The following ANO2 variants were observed in gnomAD, a reference collection of about 807,000 sequenced individuals.
ANO2 encodes the protein anoctamin 2, also known as anoctamin-2.
A neutral mutation model predicts 124.2 loss-of-function variants in ANO2; 101 were observed. The observed-to-expected ratio is 0.81, with a 90% CI of 0.69 to 0.96. ANO2 has a LOEUF of 0.96. Among genes scored for constraint, ANO2 ranks in the 40% least tolerant of loss-of-function variants. The probability of loss-of-function intolerance (pLI) is 0.00; values close to 1 mark genes in which losing one functional copy is unlikely to be tolerated. For missense variants in ANO2, 1,293 were observed against 1,274.5 expected (o/e 1.01, Z -0.22); for synonymous variants, 486 against 482.5 (o/e 1.01, Z -0.09).
rs533562194 is a variant in ANO2, at chr12:5,630,309, G to A, written c.1816+4843C>T. Among the ~76,000 whole-genome samples, 8 of 152,312 alleles carry A rather than the reference G, an allele frequency of 5.3e-5. No individual in the cohort carries two copies. The South Asian group carries it at 1.2e-3, about 24-fold the overall frequency. On this transcript the variant is annotated intron_variant, in intron 16 of 24. Transcript: ENST00000682330. Reference sequence around the variant, plus strand: ...GCCTGGCAGACTTCTCATTCCATTAGGTGGCATTATCCATAGCTTTATGTC... The same window carrying A: ...GCCTGGCAGACTTCTCATTCCATTAAGTGGCATTATCCATAGCTTTATGTC...
chr12:5,733,321 A>G (rs776343593), intron 13 of ANO2: 45 of 262,122 alleles, frequency 1.7e-4, no homozygotes, highest in Non-Finnish European at 3.1e-4. Context: ...GGGAAAGAGC[A>G]CCTAACTAAT....
rs544524661 is a variant in ANO2, at chr12:5,888,149, T to C, written c.534+32891A>G. Reference sequence around the variant, plus strand: ...CGGAGTTTCTTCCTCCTGGTGGGTTTGTGGTCTCGCTGGATCAGGAGTGAA... The same window carrying C: ...CGGAGTTTCTTCCTCCTGGTGGGTTCGTGGTCTCGCTGGATCAGGAGTGAA... On this transcript the variant is annotated intron_variant, in intron 3 of 24. Transcript: ENST00000682330. 7.9e-3 allele frequency among the ~76,000 whole-genome samples: 1,201 copies of C among 152,138 alleles called. 11 individuals are homozygous for C. Among genetic ancestry groups the C allele is most frequent in the Middle Eastern group, 0.017 (5 of 294 alleles).
chr12:5,599,715 G>C, intron 19 of ANO2, 86 bp from the exon 20 acceptor site: 1 of 1,428,478 alleles, frequency 7.0e-7, no homozygotes, highest in South Asian at 1.3e-5. Flanking sequence ...GAACACAAAA[G>C]TTTTGACACT....
At chr12:5,723,535 C>T (rs1290040036) in intron 14 of ANO2, among the ~76,000 whole-genome samples, 2 of 146,496 alleles carry the variant, frequency 1.4e-5, no homozygotes, top group East Asian at 4.2e-4. Context: ...CTGGGGTGCC[C>T]CAGGGAGTGA....
chr12:5,855,247 A>G (rs903335021), intron 3 of ANO2, among the ~76,000 whole-genome samples: 1 of 152,206 alleles, frequency 6.6e-6, no homozygotes, highest in African/African-American at 2.4e-5. Context: ...GACTGTCTGC[A>G]TTTTCAGTGT....
chr12:5,641,525 G>A (rs1311413854), intron 15 of ANO2, among the ~76,000 whole-genome samples: 3 of 152,210 alleles, frequency 2.0e-5, no homozygotes, highest in Non-Finnish European at 4.4e-5. Flanking sequence ...ACTTTTGAGA[G>A]TAAAGAAGAA....
rs145306919 is a variant in ANO2 at position 5,821,750 on chromosome 12, A to G, written c.892+6019T>C. Among the ~76,000 whole-genome samples, 303 of 152,328 alleles carry G rather than the reference A, an allele frequency of 2.0e-3. 7 individuals are homozygous for G. Among genetic ancestry groups the G allele is most frequent in the Admixed American group, 0.018 (283 of 15,304 alleles). ...CACCATGGCACCTGAACTGCCTATAATGAACTGGGTGCCTTCTGACCCATC... is the reference window on the plus strand; with the variant it reads ...CACCATGGCACCTGAACTGCCTATAGTGAACTGGGTGCCTTCTGACCCATC... On this transcript the variant is annotated intron_variant, in intron 7 of 24. Transcript: ENST00000682330.
intron 1 of ANO2, among the ~76,000 whole-genome samples, chr12:5,934,364 C>T (rs1469337500): frequency 2.0e-5 from 3 of 152,150 alleles, no homozygotes; most frequent in Admixed American, 2.0e-4. Flanking sequence ...CATCCCTCAC[C>T]CTTTAAAAAG....
intron 3 of ANO2, among the ~76,000 whole-genome samples, chr12:5,882,970 G>T (rs1248370575): frequency 6.6e-6 from 1 of 152,108 alleles, no homozygotes; most frequent in Admixed American, 6.5e-5. Context: ...GAGCAAAGAC[G>T]GCTGCTGCAT....
chr12:5,598,959 T>A (rs1943796908), intron 20 of ANO2, among the ~76,000 whole-genome samples: 1 of 61,172 alleles, frequency 1.6e-5, no homozygotes, highest in Non-Finnish European at 4.0e-5. Context: ...CCTACCGAAA[T>A]AGACCCAACT....
intron 14 of ANO2, among the ~76,000 whole-genome samples, chr12:5,662,883 G>A (rs879821672): frequency 5.9e-5 from 9 of 152,204 alleles, no homozygotes; most frequent in Admixed American, 5.9e-4. Context: ...ACATGGGGAA[G>A]CACTTCCTAG....
chr12:5,868,698 C>A lies in ANO2; in HGVS notation c.535-14557G>T, dbSNP rs547025942. On this transcript the variant is annotated intron_variant, in intron 3 of 24. Transcript: ENST00000682330. ...TATGAGGCGAAAGCCCAGTCTGGATCGTGTCCTCTCTATGCAGCCCAAACA... is the reference window on the plus strand; with the variant it reads ...TATGAGGCGAAAGCCCAGTCTGGATAGTGTCCTCTCTATGCAGCCCAAACA... 3.3e-4 allele frequency among the ~76,000 whole-genome samples: 50 copies of A among 152,298 alleles called. 1 individual carries two copies. The highest frequency in any genetic ancestry group is 6.5e-4 in the Admixed American group (10 of 15,298).
At chr12:5,827,710 A>ACGGGG in intron 7 of ANO2, 59 bp downstream of exon 7, 1 of 1,557,406 alleles carries the variant, frequency 6.4e-7, no homozygotes, top group Non-Finnish European at 8.7e-7. Flanking sequence ...TGTTGAAAGC[A>ACGGGG]CGGGGCGGGA....
intron 1 of ANO2, among the ~76,000 whole-genome samples, chr12:5,926,299 G>A (rs1028169535): frequency 2.0e-5 from 3 of 152,184 alleles, no homozygotes; most frequent in African/African-American, 7.2e-5. Flanking sequence ...TCCCCTGGAG[G>A]ACGGCGATGC....
At chr12:5,727,796 C>G (rs1207826106) in intron 14 of ANO2, among the ~76,000 whole-genome samples, 2 of 151,354 alleles carry the variant, frequency 1.3e-5, no homozygotes, top group Non-Finnish European at 2.9e-5. Flanking sequence ...TGCCACCACG[C>G]CCGGCTACTT....
intron 4 of ANO2, among the ~76,000 whole-genome samples, chr12:5,833,193 T>C (rs1954209922): frequency 6.6e-6 from 1 of 152,240 alleles, no homozygotes. Flanking sequence ...GCTTTCAAAG[T>C]ATTAAACATT....
At position 5,907,551 on chromosome 12, in the gene ANO2, C is replaced by T. The variant is rs186702894; in HGVS notation, c.534+13489G>A. Among the ~76,000 whole-genome samples the T allele has an allele frequency of 4.5e-3, 681 of 152,314 alleles. 3 individuals are homozygous for T. Among genetic ancestry groups the T allele is most frequent in the Middle Eastern group, 0.017 (5 of 294 alleles). ...ACAGTAAACTCCCTGCACCTTCTCC[C>T]TTTGGGGATGCCTAATCCACTCATC... On this transcript the variant is annotated intron_variant, in intron 3 of 24. Transcript: ENST00000682330.
intron 14 of ANO2, among the ~76,000 whole-genome samples, chr12:5,663,064 TAAG>T (rs1239321306): frequency 4.6e-5 from 7 of 152,212 alleles, no homozygotes; most frequent in African/African-American, 1.7e-4. Flanking sequence ...AATGACCCGT[TAAG>T]AAGGATTCCT....
chr12:5,898,407 A>T (rs2136278793), intron 3 of ANO2, among the ~76,000 whole-genome samples: 1 of 152,346 alleles, frequency 6.6e-6, no homozygotes, highest in East Asian at 1.9e-4. Context: ...TACCCTTTAG[A>T]AATGCATTTA....
Sources: allele counts gnomAD v4.1 joint callset (sites outside exome capture counted in the v4.1 genomes callset), GRCh38; gene constraint gnomAD v4.1.1; transcripts MANE v1.5; gene names NCBI Gene and HGNC (gene_info 2026-07-23, HGNC 2026-07-21).